The following RALYL variants were observed in gnomAD, a reference collection of about 807,000 sequenced individuals.
RALYL encodes the protein RALY RNA binding protein like, also known as RNA-binding Raly-like protein.
A neutral mutation model predicts 35.1 loss-of-function variants in RALYL; 29 were observed. The observed-to-expected ratio is 0.83, with a 90% CI of 0.61 to 1.13. The LOEUF (loss-of-function observed/expected upper bound fraction) is 1.13. RALYL is among the 50% of genes most tolerant of loss of function. The pLI is 0.00. For synonymous variants in RALYL, 120 were observed against 127.6 expected (o/e 0.94, Z 0.40); for missense variants, 359 against 360.4 (o/e 1.00, Z 0.03).
In RALYL at chr8:84,212,989, T is replaced by C. The variant is rs551354315; in HGVS notation, c.-24+28565T>C. Among the ~76,000 whole-genome samples, 6 of 152,336 alleles carry C rather than the reference T, an allele frequency of 3.9e-5. 1 individual carries two copies. Among genetic ancestry groups the C allele is most frequent in the African/African-American group, 1.4e-4 (6 of 41,594 alleles). On this transcript the variant is annotated intron_variant, in intron 1 of 8. Coordinates refer to ENST00000521268, the MANE Select transcript of RALYL (RefSeq NM_173848.7). ...AGATTTTTTGAATCATTAGAAATTA[T>C]TCTTTATAACATGCCTAATGAATTA... is the stretch of plus-strand genomic sequence containing the variant.
At chr8:84,873,171 C>G in intron 6 of RALYL, 113 bp from the exon 7 acceptor site, 1 of 542,298 alleles carries the variant, frequency 1.8e-6, no homozygotes. Flanking sequence ...GAAAAATGTC[C>G]TATGTGATTT....
intron 1 of RALYL, among the ~76,000 whole-genome samples, chr8:84,254,744 A>T (rs1182138655): frequency 2.4e-5 from 3 of 127,536 alleles, no homozygotes; most frequent in Non-Finnish European, 4.8e-5. Flanking sequence ...TGGGTAATTT[A>T]TGAAAAAAAA....
At chr8:84,882,582 T>G (rs151163267) in intron 7 of RALYL, among the ~76,000 whole-genome samples, 1 of 152,100 alleles carries the variant, frequency 6.6e-6, no homozygotes, top group Admixed American at 6.6e-5. Context: ...ATATTTATTT[T>G]AATTAGTTGA....
At chr8:84,696,948 C>G (rs933888854) in intron 2 of RALYL, among the ~76,000 whole-genome samples, 2 of 151,924 alleles carry the variant, frequency 1.3e-5, no homozygotes, top group African/African-American at 2.4e-5. Flanking sequence ...TTCTGAAATG[C>G]CCTTGGGCTA....
chr8:84,871,227 T>TC (rs1840133961), intron 6 of RALYL, among the ~76,000 whole-genome samples: 1 of 152,196 alleles, frequency 6.6e-6, no homozygotes, highest in Admixed American at 6.5e-5. Flanking sequence ...AAACCTTGGC[T>TC]CCCTGGAGAC....
intron 2 of RALYL, among the ~76,000 whole-genome samples, chr8:84,700,753 C>T (rs1170417275): frequency 1.3e-5 from 2 of 152,168 alleles, no homozygotes; most frequent in African/African-American, 2.4e-5. Context: ...TACAGGACAG[C>T]ACTTGACTTG....
chr8:84,237,414 G>A (rs1189887446), intron 1 of RALYL, among the ~76,000 whole-genome samples: 1 of 152,204 alleles, frequency 6.6e-6, no homozygotes, highest in Non-Finnish European at 1.5e-5. Flanking sequence ...GATTCTCTTA[G>A]AGGCTGAGAG....
intron 8 of RALYL, among the ~76,000 whole-genome samples, chr8:84,901,354 T>C (rs1845657177): frequency 6.6e-6 from 1 of 152,116 alleles, no homozygotes; most frequent in Non-Finnish European, 1.5e-5. Flanking sequence ...AATTATTTCC[T>C]CAAAAGACAA....
intron 2 of RALYL, among the ~76,000 whole-genome samples, chr8:84,732,897 A>G (rs139411806): frequency 0.012 from 1,887 of 151,728 alleles, 43 homozygotes; most frequent in African/African-American, 0.043. Context: ...GGGTTTCACC[A>G]TGTTGGCCAT....
In RALYL at chr8:84,742,889, T is replaced by C. The variant is rs746866846; in HGVS notation, c.257-31690T>C. On this transcript the variant is annotated intron_variant, in intron 2 of 8. Transcript: ENST00000521268. ...AGTTGTCCTAATTTCTTTGTGCTCA[T>C]AAGGGGAACAATAGTTGAAAGCAGA... 5.7e-4 allele frequency among the ~76,000 whole-genome samples: 86 copies of C among 151,992 alleles called. 1 individual carries two copies. Among genetic ancestry groups the C allele is most frequent in the Non-Finnish European group, 6.9e-4 (47 of 67,954 alleles).
chr8:84,283,732 C>T (rs1022078974), intron 1 of RALYL, among the ~76,000 whole-genome samples: 2 of 152,022 alleles, frequency 1.3e-5, no homozygotes, highest in African/African-American at 2.4e-5. Flanking sequence ...TTTAATATCA[C>T]CCAATAGATT....
At chr8:84,892,682 C>A (rs1230193385) in intron 8 of RALYL, among the ~76,000 whole-genome samples, 3 of 150,152 alleles carry the variant, frequency 2.0e-5, no homozygotes, top group African/African-American at 4.9e-5. Flanking sequence ...GCACATGTAC[C>A]CTAAAACTTA....
At chr8:84,676,242 T>C (rs1834167772) in intron 2 of RALYL, among the ~76,000 whole-genome samples, 1 of 152,214 alleles carries the variant, frequency 6.6e-6, no homozygotes, top group African/African-American at 2.4e-5. Context: ...AATGTAGAGA[T>C]ATGGATGGCC....
intron 1 of RALYL, among the ~76,000 whole-genome samples, chr8:84,366,247 A>G (rs1474110481): frequency 6.6e-6 from 1 of 152,194 alleles, no homozygotes; most frequent in Non-Finnish European, 1.5e-5. Context: ...AATGAGCACT[A>G]ACGCCATTAA....
chr8:84,335,461 G>A (rs1173341266), intron 1 of RALYL, among the ~76,000 whole-genome samples: 3 of 152,050 alleles, frequency 2.0e-5, no homozygotes, highest in Admixed American at 1.3e-4. Context: ...AGCTAAGCAG[G>A]CAGTTCCATT....
At chr8:84,730,511 CAT>C (rs200861142) in intron 2 of RALYL, among the ~76,000 whole-genome samples, 36,001 of 151,708 alleles carry the variant, frequency 0.24, 4,424 homozygotes, top group African/African-American at 0.27. Flanking sequence ...TCCTATTCAA[CAT>C]AGTGTTGGAA....
At chr8:84,672,317 A>G (rs1346502226) in intron 2 of RALYL, among the ~76,000 whole-genome samples, 3 of 152,146 alleles carry the variant, frequency 2.0e-5, no homozygotes, top group African/African-American at 7.2e-5. Context: ...CCATTCAACA[A>G]TTCTCTAGGA....
At chr8:84,192,906 T>TGTG (rs899642407) in intron 1 of RALYL, among the ~76,000 whole-genome samples, 166 of 59,458 alleles carry the variant, frequency 2.8e-3, no homozygotes, top group African/African-American at 0.012. Flanking sequence ...TGTGTGTGTG[T>TGTG]GGGGGGGGGG....
intron 1 of RALYL, among the ~76,000 whole-genome samples, chr8:84,419,118 C>A (rs753289427): frequency 3.9e-5 from 6 of 152,174 alleles, no homozygotes; most frequent in Non-Finnish European, 7.3e-5. Context: ...TCCCTTGCCA[C>A]TTCCCAGATT....
Sources: allele counts gnomAD v4.1 joint callset (sites outside exome capture counted in the v4.1 genomes callset), GRCh38; gene constraint gnomAD v4.1.1; transcripts MANE v1.5; gene names NCBI Gene and HGNC (gene_info 2026-07-23, HGNC 2026-07-21).